TENM2: variants seen among roughly 807,000 people sequenced by gnomAD.
TENM2 encodes the protein teneurin-2.
TENM2 carries 52 observed loss-of-function variants against 245.2 expected under a neutral mutation model. That is an observed-to-expected ratio of 0.21 (90% CI 0.17 to 0.27). TENM2 has a LOEUF of 0.27. Ranked by LOEUF, TENM2 falls within the 10% of genes least tolerant of loss-of-function variation. The pLI, the probability that TENM2 is intolerant of heterozygous loss-of-function variation, is 1.00. For missense variants in TENM2, 3,046 were observed against 3,666.8 expected, an observed-to-expected ratio of 0.83 and a Z score of 4.37; for synonymous variants, 1,363 against 1,438.9, an observed-to-expected ratio of 0.95 and a Z score of 1.19.
intron 2 of TENM2, among the ~76,000 whole-genome samples, chr5:167,667,369 G>A (rs776221152): frequency 1.2e-4 from 18 of 152,120 alleles, no homozygotes; most frequent in Non-Finnish European, 2.1e-4. Context: ...AGTCAGGGGA[G>A]AATCTACCTC....
chr5:167,336,396 G>GTT (rs796632056), intron 1 of TENM2, among the ~76,000 whole-genome samples: 1 of 143,306 alleles, frequency 7.0e-6, no homozygotes. Flanking sequence ...GGTTCCTGTG[G>GTT]TTTTTTTTTT....
intron 2 of TENM2, among the ~76,000 whole-genome samples, chr5:167,423,163 A>G (rs535877157): frequency 6.6e-6 from 1 of 151,798 alleles, no homozygotes; most frequent in South Asian, 2.1e-4. Flanking sequence ...TTTTCTTTTT[A>G]TGATTTAGAG....
chr5:167,591,656 ATAAAT>A (rs1775884256), intron 2 of TENM2, among the ~76,000 whole-genome samples: 1 of 152,214 alleles, frequency 6.6e-6, no homozygotes, highest in Non-Finnish European at 1.5e-5. Context: ...CATCTTGCAA[ATAAAT>A]TAAACTCTTT....
intron 3 of TENM2, among the ~76,000 whole-genome samples, chr5:167,894,991 A>AAGGAAGGG (rs1775092106): frequency 9.6e-6 from 1 of 104,066 alleles, no homozygotes; most frequent in Non-Finnish European, 1.8e-5. Context: ...GGAAGGAAGG[A>AAGGAAGGG]GGGAAGGAAG....
chr5:167,285,095 C>A, intron 1 of TENM2, 32 bp downstream of exon 3: 1 of 1,491,570 alleles, frequency 6.7e-7, no homozygotes, highest in South Asian at 1.2e-5. Flanking sequence ...GATTTGCTCT[C>A]AACTGTCTAA....
chr5:168,194,108 G>T (rs1477862980), intron 14 of TENM2, among the ~76,000 whole-genome samples: 1 of 152,190 alleles, frequency 6.6e-6, no homozygotes, highest in Non-Finnish European at 1.5e-5. Flanking sequence ...ACTTTGACAA[G>T]ATTGTGACAA....
At chr5:167,627,956 C>T (rs1053719654) in intron 2 of TENM2, among the ~76,000 whole-genome samples, 4 of 152,162 alleles carry the variant, frequency 2.6e-5, no homozygotes, top group African/African-American at 9.7e-5. Flanking sequence ...ATGGGTATTA[C>T]ATAAAGTAAG....
chr5:167,913,978 C>T (rs1357595241), intron 3 of TENM2, among the ~76,000 whole-genome samples: 1 of 152,176 alleles, frequency 6.6e-6, no homozygotes, highest in East Asian at 1.9e-4. Flanking sequence ...GGTGAGCAAT[C>T]AATAAATGTT....
At chr5:167,216,922 A>G in the TENM2 span, among the ~76,000 whole-genome samples, 1 of 151,838 alleles carries the variant, frequency 6.6e-6, no homozygotes, top group Non-Finnish European at 1.5e-5. Flanking sequence ...GTGAGACCCC[A>G]TCTCAAAAAA....
At position 168,227,995 on chromosome 5, in the gene TENM2, A is replaced by G. The variant is rs1314811198; in HGVS notation, c.5385A>G (p.Leu1795=). Residue 1795 remains leucine (L), a synonymous_variant, in exon 25 of 29, where the codon CTA becomes CTG. Transcript: ENST00000518659. ...GCTTCCACAGCGAGCCCCATGTCCT[A>G]GCGGGCACCATCACCCCCACCATTG... 3 of 1,613,804 alleles carry G rather than the reference A, an allele frequency of 1.9e-6. No individual in the cohort carries two copies. In the East Asian group the frequency reaches 6.7e-5, roughly 36 times the overall value.
At chr5:166,979,187 AC>A in the TENM2 span, among the ~76,000 whole-genome samples, 49 of 123,390 alleles carry the variant, frequency 4.0e-4, no homozygotes, top group Non-Finnish European at 7.5e-4. Flanking sequence ...CAGCAGCAGC[AC>A]CACCACCAGC....
At chr5:167,466,032 T>C (rs1231682732) in intron 2 of TENM2, among the ~76,000 whole-genome samples, 1 of 152,288 alleles carries the variant, frequency 6.6e-6, no homozygotes, top group East Asian at 1.9e-4. Context: ...TAATGGTGAC[T>C]GACTTCAGGT....
chr5:167,978,257 C>A (rs1782585494), intron 4 of TENM2, among the ~76,000 whole-genome samples: 1 of 152,214 alleles, frequency 6.6e-6, no homozygotes, highest in African/African-American at 2.4e-5. Context: ...TGCAGCAATT[C>A]CTCTCCTAGG....
At chr5:168,024,995 G>C (rs958748575) in intron 5 of TENM2, among the ~76,000 whole-genome samples, 22 of 152,212 alleles carry the variant, frequency 1.4e-4, no homozygotes, top group African/African-American at 4.3e-4. Flanking sequence ...CCAGCATCCA[G>C]GTGCTTATCA....
At chr5:167,561,621 C>T (rs1773592697) in intron 2 of TENM2, among the ~76,000 whole-genome samples, 1 of 152,136 alleles carries the variant, frequency 6.6e-6, no homozygotes, top group South Asian at 2.1e-4. Context: ...TGCAAGAGCT[C>T]CCAAGAAGGT....
the TENM2 span, among the ~76,000 whole-genome samples, chr5:167,259,866 G>A: frequency 3.9e-5 from 6 of 152,094 alleles, no homozygotes; most frequent in African/African-American, 9.7e-5. Context: ...AATGTCTAAT[G>A]TACCAATAAA....
chr5:167,141,481 A>C, the TENM2 span, among the ~76,000 whole-genome samples: 3 of 152,182 alleles, frequency 2.0e-5, no homozygotes, highest in Non-Finnish European at 4.4e-5. Context: ...TAACTCTGTC[A>C]ACTTTAAGAA....
chr5:167,288,905 G>T (rs1754471861), intron 1 of TENM2, among the ~76,000 whole-genome samples: 1 of 152,192 alleles, frequency 6.6e-6, no homozygotes, highest in Non-Finnish European at 1.5e-5. Flanking sequence ...AGGCTGGGAA[G>T]GATCTATGAA....
the TENM2 span, among the ~76,000 whole-genome samples, chr5:167,092,731 A>G: frequency 1.1e-4 from 16 of 152,196 alleles, no homozygotes; most frequent in Non-Finnish European, 7.3e-5. Flanking sequence ...GGCAAAATCC[A>G]TGCTTTTGAC....
Sources: gnomAD v4.1 joint callset for allele counts (sites outside exome capture counted in the v4.1 genomes callset) on GRCh38, gnomAD v4.1.1 for gene constraint, MANE v1.5 for transcripts, NCBI Gene and HGNC (gene_info 2026-07-23, HGNC 2026-07-21) for gene names.